AFF3: variants seen among roughly 807,000 people sequenced by gnomAD.
The protein encoded by AFF3 is ALF transcription elongation factor 3.
A neutral mutation model predicts 129.7 loss-of-function variants in AFF3; 32 were observed. That is an observed-to-expected ratio of 0.25 (90% CI 0.19 to 0.33). The LOEUF (loss-of-function observed/expected upper bound fraction) is 0.33. Ranked by LOEUF, AFF3 falls within the 10% of genes least tolerant of loss-of-function variation. AFF3 has a pLI of 1.00. For missense variants in AFF3, 1,373 were observed against 1,592.0 expected, an observed-to-expected ratio of 0.86 and a Z score of 2.34; for synonymous variants, 644 against 635.4, an observed-to-expected ratio of 1.01 and a Z score of -0.20.
chr2:99,748,512 C>A lies in AFF3; in HGVS notation c.1002+3709G>T, dbSNP rs953728060. On this transcript the variant is annotated intron_variant, in intron 9 of 24. Transcript: ENST00000672756. ...GCTGAAAGTGATGTGGTGACTGCCA[C>A]TCCCAATACTTCCAGCTGTGTATCC... Among the ~76,000 whole-genome samples, 3 of 152,166 alleles carry A rather than the reference C, an allele frequency of 2.0e-5. No homozygotes were observed. In the East Asian group the frequency reaches 5.8e-4, roughly 29 times the overall value.
rs1000443792 is a variant in AFF3 at position 99,545,803 on chromosome 2, C to T, written c.*5671G>A. On this transcript the variant is annotated 3_prime_UTR_variant, in exon 25 of 25. Coordinates refer to ENST00000672756, the MANE Select transcript of AFF3 (RefSeq NM_001386135.1). The stretch of plus-strand genomic sequence containing the variant: ...CCCCTTGCAGCCAACACAAAATTTA[C>T]CCCCTGCTGCCTCGGAGTGCCAATT... 3.4e-5 allele frequency: 6 copies of T among 178,630 alleles called. No individual in the cohort carries two copies. Among genetic ancestry groups the T allele is most frequent in the Non-Finnish European group, 4.8e-5 (4 of 83,296 alleles). The allele number at this position is 178,630 out of a possible 1,614,324, so 11.1% of individuals were successfully genotyped here.
At chr2:99,709,884 G>C (rs932673804) in intron 11 of AFF3, among the ~76,000 whole-genome samples, 1 of 152,152 alleles carries the variant, frequency 6.6e-6, no homozygotes, top group Non-Finnish European at 1.5e-5. Context: ...CCAAATCACT[G>C]GGTTTCCAGC....
chr2:99,873,970 C>T (rs868670398), intron 7 of AFF3, among the ~76,000 whole-genome samples: 12 of 151,822 alleles, frequency 7.9e-5, no homozygotes, highest in African/African-American at 2.7e-4. Context: ...GTCAGGAGAT[C>T]GAGACCATCC....
Position 99,578,327 on chromosome 2 carries a change from A to C in AFF3, c.2918T>G (p.Met973Arg). The change falls in exon 18 of 25, where the codon ATG becomes AGG. Residue 973 changes from methionine to arginine, a missense_variant and splice_region_variant. This residue lies in a region of AFF3 where 65 missense variants were observed against 102.1 expected (regional missense o/e 0.64). Transcript: ENST00000672756. ...CKRQKLVFDDMPRSADYFMQE... is the reference protein window; with the variant it reads ...CKRQKLVFDDRPRSADYFMQE... ...CACATTTAAAAGCGTCTGAACTTAC[A>C]TATCATCGAAGACAAGTTTCTGCCT... is the stretch of plus-strand genomic sequence containing the variant. 6.3e-7 allele frequency: 1 copy of C among 1,598,978 alleles called. No homozygotes were observed. Among genetic ancestry groups the C allele is most frequent in the Non-Finnish European group, 8.5e-7 (1 of 1,174,988 alleles).
chr2:99,809,196 A>G (rs1686596691), intron 8 of AFF3, among the ~76,000 whole-genome samples: 1 of 152,252 alleles, frequency 6.6e-6, no homozygotes, highest in African/African-American at 2.4e-5. Context: ...AAAGCCTTTG[A>G]GGTTCCAAGA....
At chr2:99,835,225 T>C (rs2105780531) in intron 8 of AFF3, among the ~76,000 whole-genome samples, 1 of 152,266 alleles carries the variant, frequency 6.6e-6, no homozygotes, top group East Asian at 1.9e-4. Context: ...GCTAATGTGA[T>C]CACATCACTC....
At chr2:99,820,870 CTTTTTT>C (rs869085194) in intron 8 of AFF3, among the ~76,000 whole-genome samples, 47 of 101,718 alleles carry the variant, frequency 4.6e-4, no homozygotes, top group African/African-American at 1.7e-3. Flanking sequence ...TCCTCCACAT[CTTTTTT>C]TTTTTTTTTT....
intron 4 of AFF3, among the ~76,000 whole-genome samples, chr2:100,056,553 A>G (rs1454284872): frequency 6.6e-6 from 1 of 152,162 alleles, no homozygotes; most frequent in African/African-American, 2.4e-5. Flanking sequence ...CGTGCCCAGG[A>G]GGCGTAAAGG....
rs530793084 is a variant in AFF3, at chr2:99,940,245, G to A, written c.873+66387C>T. Among the ~76,000 whole-genome samples the A allele has an allele frequency of 2.3e-3, 352 of 152,274 alleles. 2 individuals are homozygous for A. The highest frequency in any genetic ancestry group is 8.0e-3 in the African/African-American group (332 of 41,542). On this transcript the variant is annotated intron_variant, in intron 7 of 24. Transcript: ENST00000672756. ...GTACTTCACACAAATTAAGCCATGA[G>A]AATAAGACTTCTCTGAAATGGATAG...
At chr2:99,551,993 C>G (rs1674453864) in intron 24 of AFF3, among the ~76,000 whole-genome samples, 1 of 152,152 alleles carries the variant, frequency 6.6e-6, no homozygotes, top group Admixed American at 6.5e-5. Flanking sequence ...GGGTGAGGCT[C>G]CAGGTTCCTG....
At chr2:99,620,790 A>G (rs915421031) in intron 13 of AFF3, among the ~76,000 whole-genome samples, 1 of 152,106 alleles carries the variant, frequency 6.6e-6, no homozygotes, top group Non-Finnish European at 1.5e-5. Context: ...TCCCCCAGGT[A>G]ATGAGTGAGT....
At chr2:99,961,170 C>T (rs565373504) in intron 7 of AFF3, among the ~76,000 whole-genome samples, 1 of 152,304 alleles carries the variant, frequency 6.6e-6, no homozygotes, top group East Asian at 1.9e-4. Context: ...ATCTCCCCAC[C>T]TTGCCTCCCA....
At chr2:99,858,647 G>C (rs1473781116) in intron 7 of AFF3, among the ~76,000 whole-genome samples, 1 of 152,156 alleles carries the variant, frequency 6.6e-6, no homozygotes, top group African/African-American at 2.4e-5. Flanking sequence ...ACTAACACAG[G>C]AACAGAAAAC....
At chr2:99,688,992 C>A (rs548705440) in intron 11 of AFF3, among the ~76,000 whole-genome samples, 3 of 152,314 alleles carry the variant, frequency 2.0e-5, no homozygotes, top group Admixed American at 6.5e-5. Flanking sequence ...AACGAGCACC[C>A]ACCTGGTCCT....
chr2:100,139,146 G>T (rs1041277555), intron 1 of AFF3, among the ~76,000 whole-genome samples: 1 of 152,092 alleles, frequency 6.6e-6, no homozygotes, highest in African/African-American at 2.4e-5. Context: ...CTCTTTGCAT[G>T]CTTTTAGGAG....
At chr2:100,027,108 A>T (rs1684115200) in intron 4 of AFF3, among the ~76,000 whole-genome samples, 1 of 152,208 alleles carries the variant, frequency 6.6e-6, no homozygotes, top group Non-Finnish European at 1.5e-5. Context: ...AGAGAAAAAA[A>T]GTGAACTAGA....
At chr2:100,076,376 A>T (rs1688591182) in intron 4 of AFF3, among the ~76,000 whole-genome samples, 1 of 152,216 alleles carries the variant, frequency 6.6e-6, no homozygotes, top group African/African-American at 2.4e-5. Flanking sequence ...CCCACAGAGG[A>T]TGTGACAACT....
rs117712488 is a variant in AFF3 at position 99,582,924 on chromosome 2, G to T, written c.2667C>A (p.His889Gln). The T allele has an allele frequency of 1.2e-3, 1,878 of 1,614,112 alleles. 43 individuals are homozygous for T. In the East Asian group the frequency reaches 0.036, roughly 31 times the overall value. Residue 889 changes from histidine (H) to glutamine (Q), a missense_variant, in exon 17 of 25, where the codon CAC becomes CAA. Physicochemically the swap from His to Gln is conservative, Grantham distance 24. Coordinates refer to ENST00000672756, the MANE Select transcript of AFF3 (RefSeq NM_001386135.1). ...AAGTTAAGTCCTCGCTGGTGTATTT[G>T]TGTTTAGATGCATCAGAGAGGGGTG... ...PISPLSDASK[H>Q]KYTSEDLTSS... is the part of the protein sequence containing the mutation.
intron 7 of AFF3, among the ~76,000 whole-genome samples, chr2:100,004,088 C>T (rs886732598): frequency 2.6e-5 from 4 of 152,000 alleles, no homozygotes; most frequent in African/African-American, 9.7e-5. Flanking sequence ...TATGGCCCTC[C>T]TTGTTTTTAT....
Sources: allele counts gnomAD v4.1 joint callset (sites outside exome capture counted in the v4.1 genomes callset), GRCh38; gene constraint gnomAD v4.1.1; regional missense constraint gnomAD v4.1.1; transcripts MANE v1.5; gene names NCBI Gene and HGNC (gene_info 2026-07-23, HGNC 2026-07-21).